PRELID2: variants seen among roughly 807,000 people sequenced by gnomAD.
The protein encoded by PRELID2 is PRELI domain-containing protein 2.
In PRELID2, 25 loss-of-function variants were observed where a neutral mutation model predicts 28.4. The observed-to-expected ratio is 0.88, with a 90% CI of 0.64 to 1.23. PRELID2 has a LOEUF of 1.23. PRELID2 is among the 50% of genes most tolerant of loss of function. The pLI, the probability that PRELID2 is intolerant of heterozygous loss-of-function variation, is 0.00. For synonymous variants in PRELID2, 76 were observed against 71.6 expected (o/e 1.06, Z -0.31); for missense variants, 201 against 214.4 (o/e 0.94, Z 0.39).
At chr5:145,361,802 T>C in the PRELID2 span, among the ~76,000 whole-genome samples, 1 of 152,168 alleles carries the variant, frequency 6.6e-6, no homozygotes, top group Admixed American at 6.6e-5. Context: ...CTTCTTTTCA[T>C]TTCCAGAGCC....
At chr5:145,265,692 C>T in the PRELID2 span, among the ~76,000 whole-genome samples, 1 of 152,068 alleles carries the variant, frequency 6.6e-6, no homozygotes, top group South Asian at 2.1e-4. Context: ...ACTAAGCAAG[C>T]AAAAACATAA....
chr5:145,796,573 T>G, intron 4 of PRELID2, 26 bp from the exon 5 acceptor site: 1 of 1,433,396 alleles, frequency 7.0e-7, no homozygotes. Context: ...AAAACACATC[T>G]TTGATGTCAT....
At chr5:145,662,957 C>T (rs184938701) in intron 1 of PRELID2, among the ~76,000 whole-genome samples, 21 of 152,182 alleles carry the variant, frequency 1.4e-4, no homozygotes, top group Middle Eastern at 3.4e-3. Context: ...CACCTGTAAT[C>T]GACAGTGAAA....
chr5:145,485,398 T>C (rs943997785), intron 1 of PRELID2, among the ~76,000 whole-genome samples: 4 of 152,214 alleles, frequency 2.6e-5, no homozygotes, highest in African/African-American at 9.6e-5. Flanking sequence ...GATATTGGCA[T>C]ACTACTAGTC....
chr5:145,627,576 A>G (rs115085872), intron 1 of PRELID2, among the ~76,000 whole-genome samples: 2,068 of 152,288 alleles, frequency 0.014, 46 homozygotes, highest in African/African-American at 0.046. Context: ...CACCACCGCC[A>G]TTTCTCAGCA....
At chr5:145,817,438 T>TATATATATATATATATAA (rs1424110806) in intron 4 of PRELID2, among the ~76,000 whole-genome samples, 35 of 139,260 alleles carry the variant, frequency 2.5e-4, no homozygotes, top group Non-Finnish European at 2.4e-4. Flanking sequence ...TATATATATA[T>TATATATATATATATATAA]ATATATATAT....
the PRELID2 span, among the ~76,000 whole-genome samples, chr5:145,442,033 C>T: frequency 6.6e-6 from 1 of 152,096 alleles, no homozygotes; most frequent in African/African-American, 2.4e-5. Flanking sequence ...ATAGGAGACT[C>T]TCCAACAAAG....
chr5:145,414,115 A>G, the PRELID2 span, among the ~76,000 whole-genome samples: 2 of 152,136 alleles, frequency 1.3e-5, no homozygotes, highest in Non-Finnish European at 2.9e-5. Flanking sequence ...AGGATATGGG[A>G]ACTCTCTTGA....
At chr5:145,271,388 A>G in the PRELID2 span, among the ~76,000 whole-genome samples, 1 of 151,914 alleles carries the variant, frequency 6.6e-6, no homozygotes, top group Non-Finnish European at 1.5e-5. Context: ...CCATGCTGGG[A>G]AAAACTTTGT....
At chr5:145,422,266 G>C in the PRELID2 span, among the ~76,000 whole-genome samples, 1 of 151,144 alleles carries the variant, frequency 6.6e-6, no homozygotes, top group Admixed American at 6.6e-5. Flanking sequence ...GTGCAGAGCT[G>C]AGTTCAATTC....
rs1328917264 is a variant in PRELID2 at position 145,626,180 on chromosome 5, G to A, written n.70+138751C>T. Among the ~76,000 whole-genome samples the A allele has an allele frequency of 2.0e-5, 3 of 152,044 alleles. No individual in the cohort carries two copies. The East Asian group carries it at 5.8e-4, about 29-fold the overall frequency. On this transcript the variant is annotated intron_variant and non_coding_transcript_variant, in intron 1 of 2. Transcript: ENST00000510259. ...ACAACAAAACCAAAAATAGACAAAT[G>A]GGACTTAATTAAACTTAAAACCTTC...
At chr5:145,256,390 T>C in the PRELID2 span, among the ~76,000 whole-genome samples, 2 of 152,044 alleles carry the variant, frequency 1.3e-5, no homozygotes, top group African/African-American at 4.8e-5. Flanking sequence ...TCTAAGTCAT[T>C]TCTATGTCTG....
intron 5 of PRELID2, among the ~76,000 whole-genome samples, chr5:145,784,315 A>G (rs2149799461): frequency 6.6e-6 from 1 of 152,292 alleles, no homozygotes. Flanking sequence ...TGGCAGAATC[A>G]TTAACTTTCA....
chr5:145,238,782 T>G, the PRELID2 span, among the ~76,000 whole-genome samples: 1 of 152,038 alleles, frequency 6.6e-6, no homozygotes, highest in Non-Finnish European at 1.5e-5. Context: ...ATGAAGTGAT[T>G]AAAATTACTT....
intron 1 of PRELID2, among the ~76,000 whole-genome samples, chr5:145,530,416 G>T (rs1257894051): frequency 6.6e-6 from 1 of 152,022 alleles, no homozygotes; most frequent in African/African-American, 2.4e-5. Context: ...TTCCACAGGG[G>T]CATTGTTTAA....
At chr5:145,429,265 C>T in the PRELID2 span, among the ~76,000 whole-genome samples, 1 of 152,012 alleles carries the variant, frequency 6.6e-6, no homozygotes, top group African/African-American at 2.4e-5. Flanking sequence ...GTACCCTGGC[C>T]ATGAAAGGAA....
intron 3 of PRELID2, chr5:145,819,647 A>T (rs1754618421): frequency 1.7e-6 from 1 of 573,726 alleles, no homozygotes; most frequent in Non-Finnish European, 3.0e-6. Context: ...AGTAATTTCT[A>T]ATCATGAACA....
At chr5:145,601,979 G>A (rs1753405312) in intron 1 of PRELID2, among the ~76,000 whole-genome samples, 1 of 152,004 alleles carries the variant, frequency 6.6e-6, no homozygotes, top group Non-Finnish European at 1.5e-5. Flanking sequence ...AGGAGAAAAG[G>A]AGTTGGAATA....
the PRELID2 span, among the ~76,000 whole-genome samples, chr5:145,252,261 T>G: frequency 6.6e-6 from 1 of 152,108 alleles, no homozygotes; most frequent in Non-Finnish European, 1.5e-5. Flanking sequence ...AAAAACATCG[T>G]CTATTATGCT....
Sources: allele counts gnomAD v4.1 joint callset (sites outside exome capture counted in the v4.1 genomes callset), GRCh38; gene constraint gnomAD v4.1.1; transcripts MANE v1.5; gene names NCBI Gene and HGNC (gene_info 2026-07-23, HGNC 2026-07-21).